Variants in FOXF2 observed in about 807,000 individuals in gnomAD.
FOXF2 encodes forkhead box F2.
Under a neutral mutation model 29.1 loss-of-function variants are expected in FOXF2, and 15 were observed. The ratio of observed to expected loss-of-function variants is 0.52; its 90% CI spans 0.35 to 0.79. The LOEUF (loss-of-function observed/expected upper bound fraction) is 0.79. FOXF2 is among the 30% of genes least tolerant of loss of function. The pLI, the probability that FOXF2 is intolerant of heterozygous loss-of-function variation, is 0.01. For synonymous variants in FOXF2, 337 were observed against 316.5 expected, an observed-to-expected ratio of 1.06 and a Z score of -0.69; for missense variants, 675 against 667.1, an observed-to-expected ratio of 1.01 and a Z score of -0.13.
At position 1,390,563 on chromosome 6, in the gene FOXF2, A is replaced by G. The variant is rs758774206; in HGVS notation, c.616A>G (p.Met206Val). 1.2e-6 allele frequency: 2 copies of G among 1,604,284 alleles called. No homozygotes were observed. Among genetic ancestry groups the G allele is most frequent in the Middle Eastern group, 1.7e-4 (1 of 6,048 alleles). ...FRRKCQALKP[M>V]YHRVVSGLGF... ...GCGGAAGTGCCAGGCGCTCAAGCCC[A>G]TGTACCACCGCGTGGTGAGCGGCTT... Residue 206 changes from methionine (M) to valine (V), a missense_variant, in exon 1 of 2, where the codon ATG (methionine) becomes GTG (valine). Transcript: ENST00000645481. This position sits in a 1 kb window ranked among gnomAD's most constrained non-coding sequence, Gnocchi z 8.5.
In FOXF2 at chr6:1,395,176, A is replaced by G. The variant is rs1057173024; in HGVS notation, c.*317A>G. On this transcript the variant is annotated 3_prime_UTR_variant, in exon 2 of 2. Coordinates refer to ENST00000645481, the MANE Select transcript of FOXF2 (RefSeq NM_001452.2). ...TGTGGGATCTTCGTTGCCTTCAGTA[A>G]TCAGGGTGTGAAAAAAGCAGACAAG... The G allele has an allele frequency of 5.0e-6, 2 of 396,096 alleles. No homozygotes were observed. The highest frequency in any genetic ancestry group is 9.4e-6 in the Non-Finnish European group (2 of 212,800). The allele number at this position is 396,096 out of a possible 1,614,324, so 24.5% of individuals were successfully genotyped here. A position where few individuals can be genotyped will look rare whatever the true frequency, so the allele number is the denominator to read the frequency against.
rs1267626075 is a variant in FOXF2 at position 1,389,750 on chromosome 6, CCCG to C, written c.-180_-178del. 4.0e-4 allele frequency: 61 copies of C among 152,136 alleles called. No homozygotes were observed. The highest frequency in any genetic ancestry group is 3.2e-3 in the Middle Eastern group (1 of 316). The allele number at this position is 152,136 out of a possible 1,614,324, so 9.4% of individuals were successfully genotyped here. ...GGGATGCGCCGGGCGTTGCCTCCCG[CCCG>C]CCGCCGCCGCCGCCGCCAGAAGCCC... On this transcript the variant is annotated 5_prime_UTR_variant, in exon 1 of 2. Transcript: ENST00000645481.
rs1758907932 is a variant in FOXF2 at position 1,395,541 on chromosome 6, TAC to T, written c.*684_*685del. The T allele has an allele frequency of 1.4e-5, 2 of 147,688 alleles. No individual in the cohort carries two copies. The highest frequency in any genetic ancestry group is 4.1e-4 in the East Asian group (2 of 4,866). The allele number at this position is 147,688 out of a possible 1,614,324, so 9.1% of individuals were successfully genotyped here. ...ATATATTTGCACTTATGTATACTTT[TAC>T]AGTTTGCCAAAATATTTTGTTGTAA... On this transcript the variant is annotated 3_prime_UTR_variant, in exon 2 of 2. Coordinates refer to ENST00000645481, the MANE Select transcript of FOXF2 (RefSeq NM_001452.2).
chr6:1,390,229 G>T lies in FOXF2; in HGVS notation c.282G>T (p.Gly94=). ...GGGGCGCCAAGAAGGCGAGCTCGGGGCTGCGGCGGCCCGAGAAGCCGCCCT... is the reference window on the plus strand; with the variant it reads ...GGGGCGCCAAGAAGGCGAGCTCGGGTCTGCGGCGGCCCGAGAAGCCGCCCT... The part of the protein sequence containing the change: ...GSGGAKKASS[G]LRRPEKPPYS... The change falls in exon 1 of 2, where the codon GGG becomes GGT. Residue 94 remains glycine (G), a synonymous_variant. Coordinates refer to ENST00000645481, the MANE Select transcript of FOXF2 (RefSeq NM_001452.2). This position sits in a 1 kb window ranked among gnomAD's most constrained non-coding sequence, Gnocchi z 8.5. 1 of 1,596,932 alleles carries T rather than the reference G, an allele frequency of 6.3e-7. No individual in the cohort carries two copies. Among genetic ancestry groups the T allele is most frequent in the Non-Finnish European group, 8.5e-7 (1 of 1,174,390 alleles).
At chr6:1,393,742 G>A (rs1485902858) in intron 1 of FOXF2, among the ~76,000 whole-genome samples, 1 of 152,232 alleles carries the variant, frequency 6.6e-6, no homozygotes, top group Admixed American at 6.5e-5. Context: ...ACTAAGAAAA[G>A]ACCCGGGCGA....
chr6:1,394,573 G>C lies in FOXF2; in HGVS notation c.1172-123G>C, dbSNP rs188650086. The C allele has an allele frequency of 2.1e-4, 183 of 864,590 alleles. No individual in the cohort carries two copies. In the African/African-American group the frequency reaches 2.9e-3, roughly 14 times the overall value. 53.6% of individuals were successfully genotyped at this position (864,590 alleles called of 1,614,324 possible). On this transcript the variant is annotated intron_variant, in intron 1 of 1. Coordinates refer to ENST00000645481, the MANE Select transcript of FOXF2 (RefSeq NM_001452.2). Reference sequence around the variant, plus strand: ...TTCTAAAGCTGGGCTTTCTCTACCAGCTGTCTAGCAATTTACTAAAAGGCA... The same window carrying C: ...TTCTAAAGCTGGGCTTTCTCTACCACCTGTCTAGCAATTTACTAAAAGGCA...
chr6:1,390,703 C>T lies in FOXF2; in HGVS notation c.756C>T (p.Gly252=). The T allele has an allele frequency of 6.8e-7, 1 of 1,469,110 alleles. No individual in the cohort carries two copies. Among genetic ancestry groups the T allele is most frequent in the Non-Finnish European group, 8.9e-7 (1 of 1,120,664 alleles). 91.0% of individuals were successfully genotyped at this position (1,469,110 alleles called of 1,614,324 possible). The change falls in exon 1 of 2, where the codon GGC becomes GGT. Residue 252 remains glycine, a synonymous_variant. Coordinates refer to ENST00000645481, the MANE Select transcript of FOXF2 (RefSeq NM_001452.2). This position sits in a 1 kb window ranked among gnomAD's most constrained non-coding sequence, Gnocchi z 8.5. The stretch of plus-strand genomic sequence containing the variant: ...GCGGCCTCGACATGATGCCCGCGGG[C>T]TACGACGCCGGCGCGGGCGCCCCCA... ...GYGGLDMMPA[G]YDAGAGAPSH...
At position 1,394,872 on chromosome 6, in the gene FOXF2, C is replaced by G; in HGVS notation, c.*13C>G. The G allele has an allele frequency of 6.2e-7, 1 of 1,613,902 alleles. No individual in the cohort carries two copies. The highest frequency in any genetic ancestry group is 8.5e-7 in the Non-Finnish European group (1 of 1,179,820). On this transcript the variant is annotated 3_prime_UTR_variant, in exon 2 of 2. Coordinates refer to ENST00000645481, the MANE Select transcript of FOXF2 (RefSeq NM_001452.2). Reference sequence around the variant, plus strand: ...CTGCGTCATGTGAACGGAAAGAGGCCAAGCGATGGCCGCTCTCTCCTCTCC... The same window carrying G: ...CTGCGTCATGTGAACGGAAAGAGGCGAAGCGATGGCCGCTCTCTCCTCTCC...
chr6:1,391,549 G>A (rs113648645), intron 1 of FOXF2, among the ~76,000 whole-genome samples: 31 of 152,188 alleles, frequency 2.0e-4, no homozygotes, highest in African/African-American at 6.7e-4. Flanking sequence ...CTTCTGTCCC[G>A]AAGTAAATGT....
In FOXF2 at chr6:1,390,281, G is replaced by A; in HGVS notation, c.334G>A (p.Ala112Thr). ...CTCGTACATCGCGCTCATCGTCATG[G>A]CCATCCAGAGCTCGCCCAGCAAGCG... ...PYSYIALIVM[A>T]IQSSPSKRLT... Residue 112 changes from alanine (A) to threonine (T), a missense_variant, in exon 1 of 2, where the codon GCC becomes ACC. Coordinates refer to ENST00000645481, the MANE Select transcript of FOXF2 (RefSeq NM_001452.2). This position sits in a 1 kb window ranked among gnomAD's most constrained non-coding sequence, Gnocchi z 8.5. 1.2e-6 allele frequency: 2 copies of A among 1,612,554 alleles called. No individual in the cohort carries two copies. Among genetic ancestry groups the A allele is most frequent in the Non-Finnish European group, 8.5e-7 (1 of 1,179,838 alleles).
intron 1 of FOXF2, among the ~76,000 whole-genome samples, chr6:1,393,984 C>A (rs1283831879): frequency 6.6e-6 from 1 of 152,256 alleles, no homozygotes; most frequent in East Asian, 1.9e-4. Context: ...CTGGGGCTAC[C>A]TCAGGGACTC....
At position 1,394,795 on chromosome 6, in the gene FOXF2, G is replaced by A. The variant is rs1758868877; in HGVS notation, c.1271G>A (p.Ser424Asn). The change falls in exon 2 of 2, where the codon AGC (serine) becomes AAC (asparagine). Residue 424 changes from serine (S) to asparagine (N), a missense_variant. Transcript: ENST00000645481. Reference protein sequence around the residue: ...NGISSFHPSASGSYYHHHHQS... With the variant: ...NGISSFHPSANGSYYHHHHQS... ...ATTTCTTCTTTCCATCCCTCAGCTAGCGGGTCGTATTATCACCATCACCAC... is the reference window on the plus strand; with the variant it reads ...ATTTCTTCTTTCCATCCCTCAGCTAACGGGTCGTATTATCACCATCACCAC... The A allele has an allele frequency of 6.2e-7, 1 of 1,614,070 alleles. No homozygotes were observed. Among genetic ancestry groups the A allele is most frequent in the South Asian group, 1.1e-5 (1 of 91,084 alleles).
rs58230522 is a variant in FOXF2 at position 1,390,850 on chromosome 6, G to GGGC, written c.917_919dup (p.Gly306dup). On this transcript the variant is annotated inframe_insertion, in exon 1 of 2. Coordinates refer to ENST00000645481, the MANE Select transcript of FOXF2 (RefSeq NM_001452.2). This position sits in a 1 kb window ranked among gnomAD's most constrained non-coding sequence, Gnocchi z 8.5. ...GACCCGGGGGCGTCGGTGCGGCCGGGGGCGGCGGCGGCGGCGACTACGGGC... is the reference window on the plus strand; with the variant it reads ...GACCCGGGGGCGTCGGTGCGGCCGGGGGCGGCGGCGGCGGCGGCGACTACGGGC... The GGGC allele has an allele frequency of 0.52, 732,928 of 1,417,052 alleles. 195,064 individuals are homozygous for GGGC. Among genetic ancestry groups the GGGC allele is most frequent in the East Asian group, 0.93 (32,043 of 34,288 alleles). The allele number at this position is 1,417,052 out of a possible 1,614,324, so 87.8% of individuals were successfully genotyped here. A position where few individuals can be genotyped will look rare whatever the true frequency, so the allele number is the denominator to read the frequency against.
At position 1,394,964 on chromosome 6, in the gene FOXF2, C is replaced by T. The variant is rs973523892; in HGVS notation, c.*105C>T. On this transcript the variant is annotated 3_prime_UTR_variant, in exon 2 of 2. Transcript: ENST00000645481. Reference sequence around the variant, plus strand: ...TCACATGCACGCGGATAGCAGTAAGCCACACACCTGCCACTTAGCCAGAAT... The same window carrying T: ...TCACATGCACGCGGATAGCAGTAAGTCACACACCTGCCACTTAGCCAGAAT... 1.0e-5 allele frequency: 12 copies of T among 1,154,492 alleles called. No homozygotes were observed. The African/African-American group carries it at 1.7e-4, about 16-fold the overall frequency. The allele number at this position is 1,154,492 out of a possible 1,614,324, so 71.5% of individuals were successfully genotyped here.
intron 1 of FOXF2, among the ~76,000 whole-genome samples, chr6:1,391,755 G>T: frequency 6.6e-6 from 1 of 152,004 alleles, no homozygotes. Context: ...CCCAACAATG[G>T]ACCCACATTG....
chr6:1,392,444 A>T (rs888996881), intron 1 of FOXF2, among the ~76,000 whole-genome samples: 22 of 145,714 alleles, frequency 1.5e-4, no homozygotes, highest in African/African-American at 4.0e-4. Flanking sequence ...TCACACACAC[A>T]CACACACACA....
At position 1,395,010 on chromosome 6, in the gene FOXF2, C is replaced by A; in HGVS notation, c.*151C>A. ...AGAATGCCCAGGATCGCGTTGGTCACTGTTATTTGCCTACTGCTGGAAGAA... is the reference window on the plus strand; with the variant it reads ...AGAATGCCCAGGATCGCGTTGGTCAATGTTATTTGCCTACTGCTGGAAGAA... On this transcript the variant is annotated 3_prime_UTR_variant, in exon 2 of 2. Coordinates refer to ENST00000645481, the MANE Select transcript of FOXF2 (RefSeq NM_001452.2). 1 of 763,130 alleles carries A rather than the reference C, an allele frequency of 1.3e-6. No individual in the cohort carries two copies. 47.3% of individuals were successfully genotyped at this position (763,130 alleles called of 1,614,324 possible). A position where few individuals can be genotyped will look rare whatever the true frequency, so the allele number is the denominator to read the frequency against.
rs1303466679 is a variant in FOXF2 at position 1,389,926 on chromosome 6, C to G, written c.-22C>G. ...CCGCCCGGGGCCCGCCCTCGCGGCC[C>G]GGCCTCGCTCCCGGGTCCCAGATGA... On this transcript the variant is annotated 5_prime_UTR_variant, in exon 1 of 2. Transcript: ENST00000645481. The G allele has an allele frequency of 1.2e-5, 11 of 938,690 alleles. No homozygotes were observed. Among genetic ancestry groups the G allele is most frequent in the African/African-American group, 1.8e-5 (1 of 55,666 alleles). 58.1% of individuals were successfully genotyped at this position (938,690 alleles called of 1,614,324 possible).
chr6:1,393,152 C>G (rs1024990584), intron 1 of FOXF2, among the ~76,000 whole-genome samples: 1 of 152,106 alleles, frequency 6.6e-6, no homozygotes, highest in African/African-American at 2.4e-5. Flanking sequence ...CATGTCTACG[C>G]GCACACACCC....
Sources: gnomAD v4.1 joint callset for allele counts (sites outside exome capture counted in the v4.1 genomes callset) on GRCh38, gnomAD v4.1.1 for gene constraint, Gnocchi (gnomAD v3.1) non-coding constraint, MANE v1.5 for transcripts, NCBI Gene and HGNC (gene_info 2026-07-23, HGNC 2026-07-21) for gene names.